Variants in GPRC5B observed in about 807,000 individuals in gnomAD.
GPRC5B encodes the protein G protein-coupled receptor family C group 5 member B.
GPRC5B carries 16 observed loss-of-function variants against 30.1 expected under a neutral mutation model. The ratio of observed to expected loss-of-function variants is 0.53; its 90% confidence interval spans 0.36 to 0.81. The LOEUF is 0.81. Among genes scored for constraint, GPRC5B ranks in the 30% least tolerant of loss-of-function variants. The pLI is 0.01. For synonymous variants in GPRC5B, 241 were observed against 239.5 expected, an observed-to-expected ratio of 1.01 and a Z score of -0.06; for missense variants, 428 against 544.7, an observed-to-expected ratio of 0.79 and a Z score of 2.13.
chr16:19,874,871 T>TC (rs1189207792), intron 1 of GPRC5B: 1 of 151,294 alleles, frequency 6.6e-6, no homozygotes, highest in Non-Finnish European at 1.5e-5. Context: ...TTTTTTTTTT[T>TC]TTTCTCTAAC....
intron 1 of GPRC5B, among the ~76,000 whole-genome samples, chr16:19,883,533 G>A (rs115829581): frequency 3.3e-5 from 5 of 152,380 alleles, no homozygotes; most frequent in African/African-American, 1.2e-4. Flanking sequence ...TTCCTTGGCT[G>A]AAGTGCCGGG....
intron 3 of GPRC5B, 144 bp from the exon 4 acceptor site, chr16:19,860,688 A>G: frequency 3.4e-6 from 2 of 591,388 alleles, no homozygotes; most frequent in Admixed American, 3.0e-5. Flanking sequence ...AGAGGCAGCA[A>G]TGACTGTGAG....
intron 1 of GPRC5B, among the ~76,000 whole-genome samples, chr16:19,881,381 A>ACG (rs2056805724): frequency 6.6e-6 from 1 of 152,112 alleles, no homozygotes; most frequent in African/African-American, 2.4e-5. Flanking sequence ...AGCCTGGGCA[A>ACG]CGTAGCAAGA....
intron 2 of GPRC5B, among the ~76,000 whole-genome samples, chr16:19,865,317 G>A (rs374246411): frequency 3.5e-4 from 54 of 152,250 alleles, no homozygotes; most frequent in Admixed American, 1.6e-3. Context: ...ATGGGGCTTC[G>A]ATGCGTTTAT....
At chr16:19,869,004 G>A (rs2056689346) in intron 2 of GPRC5B, among the ~76,000 whole-genome samples, 1 of 152,172 alleles carries the variant, frequency 6.6e-6, no homozygotes, top group Admixed American at 6.5e-5. Context: ...TTAGGTGGTA[G>A]TGAGGACTAA....
Position 19,857,411 on chromosome 16 carries a change from A to G in GPRC5B, c.*3089T>C. The G allele has an allele frequency of 2.3e-6, 1 of 437,478 alleles. No individual in the cohort carries two copies. The highest frequency in any genetic ancestry group is 4.5e-6 in the Non-Finnish European group (1 of 222,672). 27.1% of individuals were successfully genotyped at this position (437,478 alleles called of 1,614,324 possible). On this transcript the variant is annotated 3_prime_UTR_variant, in exon 4 of 4. Transcript: ENST00000300571. ...TAATATTTATATAGTCGTTTATGGT[A>G]CATATTGATTGTCTTGAAATTTCTT... is the stretch of plus-strand genomic sequence containing the variant.
At chr16:19,881,479 G>C (rs1365922632) in intron 1 of GPRC5B, among the ~76,000 whole-genome samples, 1 of 151,882 alleles carries the variant, frequency 6.6e-6, no homozygotes, top group Non-Finnish European at 1.5e-5. Flanking sequence ...TTAGTGAATT[G>C]CTTGTTAAAA....
intron 1 of GPRC5B, among the ~76,000 whole-genome samples, chr16:19,874,494 G>A (rs2056746235): frequency 6.6e-6 from 1 of 152,142 alleles, no homozygotes; most frequent in East Asian, 1.9e-4. Context: ...ATTGCAAGAC[G>A]TGGCAGGGCA....
Position 19,871,819 on chromosome 16 carries a change from C to T in GPRC5B, c.1027G>A (p.Ala343Thr), listed in dbSNP as rs1475224925. 1 of 1,612,258 alleles carries T rather than the reference C, an allele frequency of 6.2e-7. No homozygotes were observed. Among genetic ancestry groups the T allele is most frequent in the East Asian group, 2.2e-5 (1 of 44,850 alleles). Residue 343 changes from alanine (A) to threonine (T), a missense_variant, in exon 2 of 4, where the codon GCA (alanine) becomes ACA (threonine). Ala to Thr is a moderately conservative substitution (Grantham distance 58). This residue lies in a region of GPRC5B where 213 missense variants were observed against 229.1 expected (regional missense o/e 0.93). Transcript: ENST00000300571. ...NKAFSMDEHN[A>T]ALRTAGFPNG... The stretch of plus-strand genomic sequence containing the variant: ...AGCCGGGTGGTGCCCACTTTACCTG[C>T]ATTGTGTTCATCCATGGAGAAGGCC...
upstream of GPRC5B, chr16:19,885,332 A>T: frequency 1.6e-6 from 2 of 1,219,384 alleles, no homozygotes; most frequent in South Asian, 1.4e-5. The surrounding 1 kb of genome is among the most constrained non-coding windows in gnomAD (Gnocchi z 5.3). Flanking sequence ...CGCAGAGAGG[A>T]TCGATCCCGC....
intron 2 of GPRC5B, among the ~76,000 whole-genome samples, chr16:19,862,816 C>A (rs1187485020): frequency 2.0e-5 from 3 of 152,128 alleles, no homozygotes; most frequent in East Asian, 3.9e-4. Context: ...ACTCGGGAGG[C>A]TGCAGCACAA....
rs2056611570 is a variant in GPRC5B, at chr16:19,860,427, C to T, written c.*73G>A. On this transcript the variant is annotated 3_prime_UTR_variant, in exon 4 of 4. Transcript: ENST00000300571. The stretch of plus-strand genomic sequence containing the variant: ...CTGGTTCGGCAACTGTTACCGATTT[C>T]TCCCTCAAGAAAGACACAGCCAGGG... The T allele has an allele frequency of 1.2e-5, 11 of 950,986 alleles. 1 individual carries two copies. Among genetic ancestry groups the T allele is most frequent in the Admixed American group, 7.4e-5 (4 of 54,300 alleles). 58.9% of individuals were successfully genotyped at this position (950,986 alleles called of 1,614,324 possible).
At chr16:19,863,305 A>G (rs1320290940) in intron 2 of GPRC5B, among the ~76,000 whole-genome samples, 5 of 151,934 alleles carry the variant, frequency 3.3e-5, no homozygotes, top group Non-Finnish European at 7.4e-5. Flanking sequence ...CTACAGACAC[A>G]TGCCACCATG....
At chr16:19,869,054 C>T (rs1051964756) in intron 2 of GPRC5B, among the ~76,000 whole-genome samples, 5 of 152,068 alleles carry the variant, frequency 3.3e-5, no homozygotes, top group African/African-American at 9.7e-5. Context: ...AGTGGCCGGG[C>T]GCAGTGGCTC....
rs1015439966 is a variant in GPRC5B, at chr16:19,867,789, C to G, written c.1030+4027G>C. ...CTCCAAGGCCGGGCGTGGTGGCTCA[C>G]GCCTGTAATCCCAGCACTTTGGGAG... On this transcript the variant is annotated intron_variant, in intron 2 of 3. Transcript: ENST00000300571. 2.0e-5 allele frequency among the ~76,000 whole-genome samples: 3 copies of G among 147,732 alleles called. No individual in the cohort carries two copies. The East Asian group carries it at 6.1e-4, about 30-fold the overall frequency.
upstream of GPRC5B, chr16:19,884,867 C>T: frequency 1.0e-6 from 1 of 981,542 alleles, no homozygotes; most frequent in East Asian, 1.1e-4. Context: ...GAGTCGCTGC[C>T]GCGCGAGGCG....
intron 3 of GPRC5B, among the ~76,000 whole-genome samples, 166 bp from the exon 4 acceptor site, chr16:19,860,710 TG>T (rs2056614267): frequency 6.6e-6 from 1 of 152,230 alleles, no homozygotes; most frequent in Admixed American, 6.5e-5. Context: ...CATGCTGCTG[TG>T]GTTCTTGGGA....
Position 19,872,430 on chromosome 16 carries a change from C to G in GPRC5B, c.416G>C (p.Cys139Ser), listed in dbSNP as rs1232625300. The change falls in exon 2 of 4, where the codon TGC becomes TCC. Residue 139 changes from cysteine to serine, a missense_variant. Cys to Ser is a moderately radical substitution (Grantham distance 112). Coordinates refer to ENST00000300571, the MANE Select transcript of GPRC5B (RefSeq NM_016235.3). The surrounding 1 kb of genome is among the most constrained non-coding windows in gnomAD (Gnocchi z 5.0). Reference protein sequence around the residue: ...WGVLFALCFSCLLSQAWRVRR... With the variant: ...WGVLFALCFSSLLSQAWRVRR... ...CACGCGCCATGCCTGGCTCAGCAGG[C>G]AGGAGAAGCAGAGCGCAAAGAGGAC... The G allele has an allele frequency of 1.2e-6, 2 of 1,613,676 alleles. No individual in the cohort carries two copies. The highest frequency in any genetic ancestry group is 3.3e-5 in the Admixed American group (2 of 59,982).
rs113829514 is a variant in GPRC5B, at chr16:19,869,055, G to A, written c.1030+2761C>T. ...CAAATATTTATAATAGTGGCCGGGC[G>A]CAGTGGCTCATGTCTGTAATCCCAG... is the stretch of plus-strand genomic sequence containing the variant. On this transcript the variant is annotated intron_variant, in intron 2 of 3. Transcript: ENST00000300571. 1.2e-4 allele frequency among the ~76,000 whole-genome samples: 18 copies of A among 152,290 alleles called. 2 individuals carry two copies. The highest frequency in any genetic ancestry group is 8.3e-4 in the South Asian group (4 of 4,826).
Sources: gnomAD v4.1 joint callset for allele counts (sites outside exome capture counted in the v4.1 genomes callset) on GRCh38, gnomAD v4.1.1 for gene constraint, gnomAD v4.1.1 regional missense constraint, Gnocchi (gnomAD v3.1) non-coding constraint, MANE v1.5 for transcripts, NCBI Gene and HGNC (gene_info 2026-07-23, HGNC 2026-07-21) for gene names.